NCKAP5: variants seen among roughly 807,000 people sequenced by gnomAD.
NCKAP5 encodes NCK associated protein 5.
Under a neutral mutation model 167.0 loss-of-function variants are expected in NCKAP5, and 92 were observed. The observed-to-expected ratio is 0.55, with a 90% confidence interval of 0.47 to 0.66. The LOEUF (loss-of-function observed/expected upper bound fraction) is 0.66, where lower values mean the gene tolerates loss of function less well. Ranked by LOEUF, NCKAP5 falls within the 30% of genes least tolerant of loss-of-function variation. The pLI is 0.00. For missense variants in NCKAP5, 2,378 were observed against 2,315.0 expected, an observed-to-expected ratio of 1.03 and a Z score of -0.56; for synonymous variants, 891 against 877.4, an observed-to-expected ratio of 1.02 and a Z score of -0.27.
chr2:133,115,816 T>C lies in NCKAP5; in HGVS notation c.341+14162A>G, dbSNP rs1406337233. On this transcript the variant is annotated intron_variant, in intron 6 of 19. Coordinates refer to ENST00000409261, the MANE Select transcript of NCKAP5 (RefSeq NM_207363.3). ...ATATATATATATATATATATATATA[T>C]AGTGTTCACACACACACACACACAC... Among the ~76,000 whole-genome samples the C allele has an allele frequency of 1.1e-3, 89 of 80,322 alleles. 1 individual carries two copies. The highest frequency in any genetic ancestry group is 4.9e-3 in the African/African-American group (83 of 16,840). 52.7% of individuals were successfully genotyped at this position (80,322 alleles called of 152,430 possible). A position where few individuals can be genotyped will look rare whatever the true frequency, so the allele number is the denominator to read the frequency against.
At chr2:133,340,930 A>T (rs1444442119) in intron 3 of NCKAP5, among the ~76,000 whole-genome samples, 1 of 152,204 alleles carries the variant, frequency 6.6e-6, no homozygotes, top group Non-Finnish European at 1.5e-5. Flanking sequence ...CACACTTCTC[A>T]TGCAACACTG....
In NCKAP5 at chr2:132,932,994, G is replaced by A. The variant is rs536701547; in HGVS notation, c.579+30726C>T. Among the ~76,000 whole-genome samples, 7 of 143,828 alleles carry A rather than the reference G, an allele frequency of 4.9e-5. No individual in the cohort carries two copies. The South Asian group carries it at 1.1e-3, about 22-fold the overall frequency. 94.4% of individuals were successfully genotyped at this position (143,828 alleles called of 152,430 possible). On this transcript the variant is annotated intron_variant, in intron 8 of 19. Coordinates refer to ENST00000409261, the MANE Select transcript of NCKAP5 (RefSeq NM_207363.3). Reference sequence around the variant, plus strand: ...GGCTGGAGTGCAGTGGAACGATCTCGGCTCACTGCAAGCTCCGCCTCCCGG... The same window carrying A: ...GGCTGGAGTGCAGTGGAACGATCTCAGCTCACTGCAAGCTCCGCCTCCCGG...
intron 8 of NCKAP5, chr2:132,954,787 T>C (rs1445497953): frequency 1.2e-5 from 5 of 424,366 alleles, no homozygotes; most frequent in Admixed American, 2.7e-5. Flanking sequence ...TATTTTCTTA[T>C]GATTTTTCCA....
the NCKAP5 span, among the ~76,000 whole-genome samples, chr2:133,598,669 T>C: frequency 6.6e-6 from 1 of 152,144 alleles, no homozygotes; most frequent in Non-Finnish European, 1.5e-5. Context: ...GTGGAAGAGA[T>C]GGGGAGTCCC....
At chr2:133,602,506 G>A in the NCKAP5 span, among the ~76,000 whole-genome samples, 1 of 152,182 alleles carries the variant, frequency 6.6e-6, no homozygotes, top group East Asian at 1.9e-4. Context: ...TTATTCAGGA[G>A]GGAGGTAGGC....
intron 3 of NCKAP5, among the ~76,000 whole-genome samples, chr2:133,368,945 G>C (rs1574815567): frequency 6.6e-6 from 1 of 152,136 alleles, no homozygotes; most frequent in Admixed American, 6.5e-5. Flanking sequence ...GCTTTGAAAA[G>C]GTTAAGGTCA....
chr2:133,612,405 C>G, the NCKAP5 span, among the ~76,000 whole-genome samples: 1 of 152,106 alleles, frequency 6.6e-6, no homozygotes, highest in Non-Finnish European at 1.5e-5. Context: ...TTCTTTATCC[C>G]AGTATGGATT....
In NCKAP5 at chr2:133,352,094, G is replaced by A. The variant is rs370137566; in HGVS notation, c.70-48984C>T. ...TCCTATCTTGGATCCCCCATAGCTC[G>A]TCACCTCTCTCCTTCAGGTATTCCC... On this transcript the variant is annotated intron_variant, in intron 3 of 19. Transcript: ENST00000409261. Among the ~76,000 whole-genome samples the A allele has an allele frequency of 5.9e-5, 9 of 152,162 alleles. No homozygotes were observed. In the South Asian group the frequency reaches 6.2e-4, roughly 11 times the overall value.
At chr2:132,794,263 T>TATATATAGAG (rs762281677) in intron 12 of NCKAP5, among the ~76,000 whole-genome samples, 1 of 11,916 alleles carries the variant, frequency 8.4e-5, no homozygotes, top group Non-Finnish European at 1.7e-4. Context: ...TATATATATA[T>TATATATAGAG]AGAGAGAGAG....
chr2:132,937,151 C>T (rs1224516733), intron 8 of NCKAP5, among the ~76,000 whole-genome samples: 1 of 152,106 alleles, frequency 6.6e-6, no homozygotes, highest in Non-Finnish European at 1.5e-5. Context: ...TACGTCAATG[C>T]CCAGGAACTT....
At chr2:133,230,879 T>G (rs537843266) in intron 4 of NCKAP5, among the ~76,000 whole-genome samples, 1 of 152,328 alleles carries the variant, frequency 6.6e-6, no homozygotes, top group East Asian at 1.9e-4. Flanking sequence ...ACAAGTTTGT[T>G]TCTTGAGTTT....
At chr2:133,001,185 T>C (rs2077764486) in intron 6 of NCKAP5, among the ~76,000 whole-genome samples, 1 of 151,882 alleles carries the variant, frequency 6.6e-6, no homozygotes, top group Non-Finnish European at 1.5e-5. Flanking sequence ...TTGATATATA[T>C]GTACACCTTG....
At chr2:133,170,897 T>C (rs2084220891) in intron 5 of NCKAP5, among the ~76,000 whole-genome samples, 2 of 152,116 alleles carry the variant, frequency 1.3e-5, no homozygotes, top group African/African-American at 4.8e-5. Context: ...TCGTCTCCAG[T>C]CCTCTTTAAA....
At chr2:132,857,607 A>G (rs1425235712) in intron 11 of NCKAP5, among the ~76,000 whole-genome samples, 1 of 152,178 alleles carries the variant, frequency 6.6e-6, no homozygotes, top group Non-Finnish European at 1.5e-5. Context: ...CTGTAAGAAC[A>G]TTACTTTTGG....
intron 5 of NCKAP5, among the ~76,000 whole-genome samples, chr2:133,183,823 C>T (rs2084832838): frequency 6.6e-6 from 1 of 151,986 alleles, no homozygotes; most frequent in African/African-American, 2.4e-5. Context: ...TAAAAAATCC[C>T]AAGGAATCTA....
the NCKAP5 span, among the ~76,000 whole-genome samples, chr2:133,630,762 C>T: frequency 3.9e-5 from 6 of 152,102 alleles, no homozygotes; most frequent in African/African-American, 1.4e-4. Flanking sequence ...GGGAGTTAGG[C>T]CATCCCAGAT....
At chr2:132,835,121 T>G (rs6729115) in intron 11 of NCKAP5, among the ~76,000 whole-genome samples, 97,879 of 151,968 alleles carry the variant, frequency 0.64, 32,870 homozygotes, top group East Asian at 0.89. Context: ...ACATTTATTG[T>G]TATGTGTATG....
At chr2:132,971,665 C>T (rs940666792) in intron 7 of NCKAP5, among the ~76,000 whole-genome samples, 10 of 152,186 alleles carry the variant, frequency 6.6e-5, no homozygotes, top group African/African-American at 2.2e-4. Flanking sequence ...AATGAGAACC[C>T]ACAGTTTGTA....
chr2:133,132,960 G>A (rs1182321233), intron 5 of NCKAP5, among the ~76,000 whole-genome samples: 1 of 152,044 alleles, frequency 6.6e-6, no homozygotes, highest in Non-Finnish European at 1.5e-5. Flanking sequence ...ATAGGCGTTA[G>A]CCACCACGCC....
Sources: allele counts gnomAD v4.1 joint callset (sites outside exome capture counted in the v4.1 genomes callset), GRCh38; gene constraint gnomAD v4.1.1; transcripts MANE v1.5; gene names NCBI Gene and HGNC (gene_info 2026-07-23, HGNC 2026-07-21).